PARP8: variants seen among roughly 807,000 people sequenced by gnomAD.
PARP8 encodes the protein protein mono-ADP-ribosyltransferase PARP8.
Under a neutral mutation model 124.1 loss-of-function variants are expected in PARP8, and 51 were observed. The ratio of observed to expected loss-of-function variants is 0.41; its 90% CI spans 0.33 to 0.52. The LOEUF is 0.52. PARP8 is among the 20% of genes least tolerant of loss of function. The pLI, the probability that PARP8 is intolerant of heterozygous loss-of-function variation, is 0.21. For missense variants in PARP8, 860 were observed against 1,018.9 expected, an observed-to-expected ratio of 0.84 and a Z score of 2.12; for synonymous variants, 391 against 361.5, an observed-to-expected ratio of 1.08 and a Z score of -0.93.
intron 7 of PARP8, among the ~76,000 whole-genome samples, chr5:50,768,563 A>T (rs1368905824): frequency 6.6e-6 from 1 of 152,194 alleles, no homozygotes; most frequent in East Asian, 1.9e-4. Flanking sequence ...TGAATTCATC[A>T]ATTTGATGTG....
chr5:50,841,672 A>G (rs1317156159), intron 25 of PARP8, among the ~76,000 whole-genome samples: 3 of 151,748 alleles, frequency 2.0e-5, no homozygotes, highest in Non-Finnish European at 4.4e-5. Context: ...AGCAGCTGCT[A>G]TGGGAAATGC....
intron 25 of PARP8, among the ~76,000 whole-genome samples, chr5:50,835,230 G>A (rs1747434459): frequency 6.6e-6 from 1 of 152,108 alleles, no homozygotes; most frequent in Non-Finnish European, 1.5e-5. Flanking sequence ...AAAAACACCT[G>A]TTAACTTACA....
At chr5:50,807,545 G>C (rs1347990438) in intron 14 of PARP8, among the ~76,000 whole-genome samples, 2 of 152,044 alleles carry the variant, frequency 1.3e-5, no homozygotes, top group African/African-American at 2.4e-5. Context: ...TGTGTCTTCA[G>C]GTTGTTTTTG....
At chr5:50,709,981 C>T (rs1182109134) in intron 2 of PARP8, among the ~76,000 whole-genome samples, 3 of 142,234 alleles carry the variant, frequency 2.1e-5, no homozygotes, top group East Asian at 4.1e-4. Context: ...CACACACACA[C>T]ATATATATAC....
intron 2 of PARP8, among the ~76,000 whole-genome samples, chr5:50,720,367 A>G (rs1262814073): frequency 6.6e-6 from 1 of 152,070 alleles, no homozygotes; most frequent in Non-Finnish European, 1.5e-5. Context: ...ACCCTGAATA[A>G]GAAGTGTTTT....
rs574394165 is a variant in PARP8, at chr5:50,845,660, T to G, written c.*3592T>G. The G allele has an allele frequency of 4.0e-5, 6 of 151,790 alleles. No homozygotes were observed. Among genetic ancestry groups the G allele is most frequent in the Non-Finnish European group, 8.9e-5 (6 of 67,796 alleles). The allele number at this position is 151,790 out of a possible 1,614,324, so 9.4% of individuals were successfully genotyped here. A position where few individuals can be genotyped will look rare whatever the true frequency, so the allele number is the denominator to read the frequency against. On this transcript the variant is annotated 3_prime_UTR_variant, in exon 26 of 26. Transcript: ENST00000281631. ...TGGATATTTCAGTCACTGGTAACAA[T>G]GTCAGGGTTAACACCCAATGAATTA... is the stretch of plus-strand genomic sequence containing the variant.
chr5:50,809,448 A>G (rs1284878513), intron 14 of PARP8, among the ~76,000 whole-genome samples: 1 of 152,118 alleles, frequency 6.6e-6, no homozygotes, highest in East Asian at 1.9e-4. Flanking sequence ...ATGCTACTTC[A>G]TAATATGCTT....
chr5:50,788,191 ATT>A (rs199769446), intron 9 of PARP8, among the ~76,000 whole-genome samples: 8,862 of 147,106 alleles, frequency 0.06, 319 homozygotes, highest in South Asian at 0.19. Context: ...TATATAATAT[ATT>A]AATGTATAAT....
intron 2 of PARP8, among the ~76,000 whole-genome samples, chr5:50,735,690 T>C (rs1162971689): frequency 6.6e-6 from 1 of 152,158 alleles, no homozygotes; most frequent in Non-Finnish European, 1.5e-5. Flanking sequence ...CCTGCACATA[T>C]ATTGAGCATC....
At chr5:50,738,988 T>G in intron 2 of PARP8, 1 of 702,566 alleles carries the variant, frequency 1.4e-6, no homozygotes, top group Non-Finnish European at 2.6e-6. Context: ...AGCACATTCC[T>G]AGACTGGCTT....
chr5:50,757,098 G>A (rs1157279476), intron 3 of PARP8: 3 of 450,584 alleles, frequency 6.7e-6, no homozygotes, highest in African/African-American at 4.0e-5. Flanking sequence ...TAGAACTTAA[G>A]AAGTTGTTTC....
intron 2 of PARP8, among the ~76,000 whole-genome samples, chr5:50,742,888 C>T (rs1294679125): frequency 6.6e-6 from 1 of 151,874 alleles, no homozygotes; most frequent in African/African-American, 2.4e-5. Context: ...TTGAAGGAGT[C>T]GAAGATGCTG....
intron 2 of PARP8, among the ~76,000 whole-genome samples, chr5:50,693,329 T>C (rs1238530196): frequency 1.3e-5 from 2 of 152,186 alleles, no homozygotes; most frequent in Admixed American, 1.3e-4. Flanking sequence ...AGCCAGTGTT[T>C]TGAATCTAAG....
chr5:50,738,907 G>A (rs574901253), intron 2 of PARP8: 54 of 687,750 alleles, frequency 7.9e-5, no homozygotes, highest in Admixed American at 2.5e-4. Context: ...ATAATGAGAC[G>A]TAGGCTTAGT....
At chr5:50,741,238 ATTAAT>A (rs1319431910) in intron 2 of PARP8, among the ~76,000 whole-genome samples, 1 of 152,184 alleles carries the variant, frequency 6.6e-6, no homozygotes, top group East Asian at 1.9e-4. Context: ...TATTTATATA[ATTAAT>A]TTAATCGAGG....
In PARP8 at chr5:50,796,963, T is replaced by C. The variant is rs766467517; in HGVS notation, c.1429-19T>C. On this transcript the variant is annotated intron_variant, in intron 12 of 25. Coordinates refer to ENST00000281631, the MANE Select transcript of PARP8 (RefSeq NM_024615.4). ...ACATTTAAAAAAATTATCATTTTTT[T>C]TTACTTTGCTTTTTATAGCCAAATG... 1 of 1,595,866 alleles carries C rather than the reference T, an allele frequency of 6.3e-7. No homozygotes were observed. The highest frequency in any genetic ancestry group is 1.2e-5 in the South Asian group (1 of 86,448).
intron 1 of PARP8, chr5:50,667,853 A>ACC: frequency 7.4e-7 from 1 of 1,343,710 alleles, no homozygotes. Context: ...TTGCCATGGC[A>ACC]CCCGGCACTT....
At chr5:50,755,008 T>G (rs1759763759) in intron 3 of PARP8, among the ~76,000 whole-genome samples, 1 of 152,212 alleles carries the variant, frequency 6.6e-6, no homozygotes, top group Non-Finnish European at 1.5e-5. Flanking sequence ...GTTCATATCC[T>G]TCGCCCACTT....
chr5:50,801,832 T>C (rs1267043932), intron 14 of PARP8, among the ~76,000 whole-genome samples: 1 of 152,244 alleles, frequency 6.6e-6, no homozygotes, highest in Non-Finnish European at 1.5e-5. Context: ...AAGTGTTTTA[T>C]CTTCTTGATG....
Sources: allele counts gnomAD v4.1 joint callset (sites outside exome capture counted in the v4.1 genomes callset), GRCh38; gene constraint gnomAD v4.1.1; transcripts MANE v1.5; gene names NCBI Gene and HGNC (gene_info 2026-07-23, HGNC 2026-07-21).